TRPS1: variants seen among roughly 807,000 people sequenced by gnomAD.
The protein encoded by TRPS1 is zinc finger transcription factor Trps1.
In TRPS1, 6 loss-of-function variants were observed where a neutral mutation model predicts 101.2. The observed-to-expected ratio is 0.06, with a 90% CI of 0.03 to 0.12. TRPS1 has a LOEUF of 0.12. Among genes scored for constraint, TRPS1 ranks in the 10% least tolerant of loss-of-function variants. The probability of loss-of-function intolerance (pLI) is 1.00; values close to 1 mark genes in which losing one functional copy is unlikely to be tolerated. For synonymous variants in TRPS1, 578 were observed against 589.8 expected (o/e 0.98, Z 0.29); for missense variants, 1,363 against 1,567.0 (o/e 0.87, Z 2.20).
chr8:115,586,925 C>T, intron 5 of TRPS1, 76 bp downstream of exon 5: 1 of 1,601,462 alleles, frequency 6.2e-7, no homozygotes, highest in Non-Finnish European at 8.5e-7. Flanking sequence ...ACAACACAAT[C>T]CTGTAGAGAA....
At chr8:115,517,989 G>A (rs537431034) in intron 5 of TRPS1, among the ~76,000 whole-genome samples, 5 of 150,010 alleles carry the variant, frequency 3.3e-5, no homozygotes, top group African/African-American at 9.8e-5. Context: ...TCAGCAAGCC[G>A]CTCTGGTGTA....
In TRPS1 at chr8:115,414,740, C is replaced by T; in HGVS notation, c.3168G>A (p.Gln1056=). The T allele has an allele frequency of 1.2e-6, 2 of 1,614,022 alleles. No homozygotes were observed. Among genetic ancestry groups the T allele is most frequent in the Non-Finnish European group, 8.5e-7 (1 of 1,179,944 alleles). ...TATTTCCTGGATCTCCAGTACTTTC[C>T]TGAGGACTTTTTATCTGAATGTGCA... ...QPLHIQIKSP[Q]ESTGDPGNSS... Residue 1056 remains glutamine, a synonymous_variant, in exon 7 of 7, where the codon CAG becomes CAA. Coordinates refer to ENST00000395715, the MANE Select transcript of TRPS1 (RefSeq NM_014112.5). This position sits in a 1 kb window ranked among gnomAD's most constrained non-coding sequence, Gnocchi z 4.8.
chr8:115,550,161 C>CCAAGA (rs774334589), intron 5 of TRPS1, among the ~76,000 whole-genome samples: 5 of 152,134 alleles, frequency 3.3e-5, no homozygotes, highest in Non-Finnish European at 7.4e-5. Flanking sequence ...TTGCAGTGAG[C>CCAAGA]CAAGATCTCA....
At position 115,414,281 on chromosome 8, in the gene TRPS1, G is replaced by C. The variant is rs1387814042; in HGVS notation, c.3627C>G (p.Pro1209=). 1.5e-5 allele frequency: 24 copies of C among 1,613,794 alleles called. No individual in the cohort carries two copies. The highest frequency in any genetic ancestry group is 1.9e-5 in the Non-Finnish European group (22 of 1,179,936). Residue 1209 remains proline (P), a synonymous_variant, in exon 7 of 7, where the codon CCC becomes CCG. Transcript: ENST00000395715. This position sits in a 1 kb window ranked among gnomAD's most constrained non-coding sequence, Gnocchi z 4.8. ...CTTTCTCTGTTTTTACTACATTCAA[G>C]GGACCTTCATTTTTTACATTTGGTG... The part of the protein sequence containing the change: ...KAPPNVKNEG[P]LNVVKTEKVD...
intron 5 of TRPS1, among the ~76,000 whole-genome samples, chr8:115,551,369 T>G (rs2130340384): frequency 6.6e-6 from 1 of 152,162 alleles, no homozygotes; most frequent in East Asian, 1.9e-4. Flanking sequence ...TCAACAGCTT[T>G]GCTCAAGTTG....
At chr8:115,605,761 T>C (rs1409737933) in intron 3 of TRPS1, among the ~76,000 whole-genome samples, 1 of 152,162 alleles carries the variant, frequency 6.6e-6, no homozygotes, top group Non-Finnish European at 1.5e-5. Flanking sequence ...TAGGTCATGA[T>C]GTCTGAATGG....
intron 5 of TRPS1, among the ~76,000 whole-genome samples, chr8:115,481,874 C>A (rs1406813054): frequency 1.3e-5 from 2 of 152,126 alleles, no homozygotes; most frequent in East Asian, 3.9e-4. Flanking sequence ...TAAGGTAATG[C>A]AAAGGCACAG....
chr8:115,528,347 G>A (rs970080978), intron 5 of TRPS1, among the ~76,000 whole-genome samples: 9 of 151,966 alleles, frequency 5.9e-5, no homozygotes, highest in Non-Finnish European at 1.3e-4. Context: ...ACAAAGCATG[G>A]CATTAATTTG....
intron 1 of TRPS1, among the ~76,000 whole-genome samples, chr8:115,639,504 C>T (rs1471672560): frequency 1.3e-5 from 2 of 152,108 alleles, no homozygotes; most frequent in African/African-American, 4.8e-5. Context: ...CAATGTTTCT[C>T]TTAAACAGCT....
intron 1 of TRPS1, among the ~76,000 whole-genome samples, chr8:115,663,721 GAAAAAA>G (rs1201864123): frequency 2.6e-5 from 2 of 76,788 alleles, no homozygotes; most frequent in African/African-American, 3.6e-5. Flanking sequence ...CTTGGAAAAG[GAAAAAA>G]AAAAAAAAAA....
Position 115,414,039 on chromosome 8 carries a change from C to G in TRPS1, c.3869G>C (p.Gly1290Ala), listed in dbSNP as rs1410596506. The G allele has an allele frequency of 6.2e-7, 1 of 1,613,396 alleles. No homozygotes were observed. The highest frequency in any genetic ancestry group is 8.5e-7 in the Non-Finnish European group (1 of 1,179,780). Residue 1290 changes from glycine to alanine, a missense_variant, in exon 7 of 7, where the codon GGA (glycine) becomes GCA (alanine). Gly to Ala is a moderately conservative substitution (Grantham distance 60). Around this residue, in one of 5 missense-constraint regions of TRPS1, gnomAD observed 307 missense variants for 392.4 expected, o/e 0.78. Transcript: ENST00000395715. This position sits in a 1 kb window ranked among gnomAD's most constrained non-coding sequence, Gnocchi z 4.8. Reference protein sequence around the residue: ...HRNNAQVEKNGKPKE With the variant: ...HRNNAQVEKNAKPKE ...GCTAAGGTTTTACTCTTTAGGTTTT[C>G]CATTTTTTTCCACTTGTGCATTGTT... is the stretch of plus-strand genomic sequence containing the variant.
chr8:115,551,464 A>G (rs1816702653), intron 5 of TRPS1, among the ~76,000 whole-genome samples: 1 of 152,190 alleles, frequency 6.6e-6, no homozygotes, highest in Non-Finnish European at 1.5e-5. Context: ...TATGTGGTTT[A>G]GTACGTGTTA....
rs886043582 is a variant in TRPS1, at chr8:115,604,226, G to C, written c.1743C>G (p.Pro581=). The change falls in exon 4 of 7, where the codon CCC becomes CCG. Residue 581 remains proline, a synonymous_variant. Coordinates refer to ENST00000395715, the MANE Select transcript of TRPS1 (RefSeq NM_014112.5). The surrounding 1 kb of genome is among the most constrained non-coding windows in gnomAD (Gnocchi z 4.1). The part of the protein sequence containing the change: ...KCTIKHCPFC[P]RGLCSPEKHL... ...GCTTTTCTGGGCTGCAAAGTCCTCT[G>C]GGACAGAATGGACAGTGTTTAATGG... 7.4e-6 allele frequency: 12 copies of C among 1,613,962 alleles called. No individual in the cohort carries two copies. The highest frequency in any genetic ancestry group is 1.3e-5 in the African/African-American group (1 of 74,914).
At chr8:115,626,566 T>C (rs1041798041) in intron 1 of TRPS1, among the ~76,000 whole-genome samples, 34 of 151,964 alleles carry the variant, frequency 2.2e-4, no homozygotes, top group African/African-American at 7.9e-4. Flanking sequence ...GAATTGACTG[T>C]TCCCAAATTT....
chr8:115,562,876 CTGTGTGTGTGTGTGTGTGTGTGTG>C (rs10588354), intron 5 of TRPS1, among the ~76,000 whole-genome samples: 6 of 132,592 alleles, frequency 4.5e-5, no homozygotes, highest in African/African-American at 1.4e-4. Flanking sequence ...CCCACAGTGT[CTGTGTGTGTGTGTGTGTGTGTGTG>C]TGTGTGTGTG....
At chr8:115,592,047 C>T (rs963388855) in intron 4 of TRPS1, among the ~76,000 whole-genome samples, 5 of 152,046 alleles carry the variant, frequency 3.3e-5, no homozygotes, top group Non-Finnish European at 4.4e-5. Context: ...TAACTACTGA[C>T]GATATGCCAA....
Position 115,614,105 on chromosome 8 carries a change from T to C in TRPS1, c.966+5027A>G, listed in dbSNP as rs115948024. On this transcript the variant is annotated intron_variant, in intron 3 of 6. Transcript: ENST00000395715. ...TTTCCCCGTATTGGCACACTACTTG[T>C]ATATCTGTGTTTCTAACAGCTGCAC... Among the ~76,000 whole-genome samples, 293 of 152,294 alleles carry C rather than the reference T, an allele frequency of 1.9e-3. 1 individual carries two copies. Among genetic ancestry groups the C allele is most frequent in the African/African-American group, 6.8e-3 (282 of 41,566 alleles).
At chr8:115,546,573 T>TA (rs112647314) in intron 5 of TRPS1, among the ~76,000 whole-genome samples, 151,682 of 151,696 alleles carry the variant, frequency 1, 75,834 homozygotes, top group Middle Eastern at 1. Context: ...CTCTGGCATG[T>TA]AAAATGTGAC....
At chr8:115,589,883 G>A (rs1160694962) in intron 4 of TRPS1, among the ~76,000 whole-genome samples, 1 of 152,178 alleles carries the variant, frequency 6.6e-6, no homozygotes, top group Non-Finnish European at 1.5e-5. Context: ...TTGGGAAGCA[G>A]AGGCGGGCAG....
Sources: gnomAD v4.1 joint callset for allele counts (sites outside exome capture counted in the v4.1 genomes callset) on GRCh38, gnomAD v4.1.1 for gene constraint, gnomAD v4.1.1 regional missense constraint, Gnocchi (gnomAD v3.1) non-coding constraint, MANE v1.5 for transcripts, NCBI Gene and HGNC (gene_info 2026-07-23, HGNC 2026-07-21) for gene names.